The following SLC9A9 variants were observed in gnomAD, a reference collection of about 807,000 sequenced individuals.
The protein encoded by SLC9A9 is solute carrier family 9 member A9.
Under a neutral mutation model 77.8 loss-of-function variants are expected in SLC9A9, and 62 were observed. The observed-to-expected ratio is 0.80, with a 90% CI of 0.65 to 0.98. The LOEUF (loss-of-function observed/expected upper bound fraction) is 0.98. SLC9A9 is among the 50% of genes least tolerant of loss of function. The pLI, the probability that SLC9A9 is intolerant of heterozygous loss-of-function variation, is 0.00. For synonymous variants in SLC9A9, 320 were observed against 283.5 expected, an observed-to-expected ratio of 1.13 and a Z score of -1.29; for missense variants, 775 against 774.9, an observed-to-expected ratio of 1.00 and a Z score of 0.00.
At chr3:143,695,411 C>T (rs929402300) in intron 4 of SLC9A9, among the ~76,000 whole-genome samples, 7 of 152,074 alleles carry the variant, frequency 4.6e-5, no homozygotes, top group Non-Finnish European at 8.8e-5. Flanking sequence ...GTTCAGCTCC[C>T]ACTTATGAGT....
At chr3:143,463,130 G>A (rs555632163) in intron 12 of SLC9A9, among the ~76,000 whole-genome samples, 2 of 152,324 alleles carry the variant, frequency 1.3e-5, no homozygotes, top group African/African-American at 2.4e-5. Context: ...AAGCTGTAAA[G>A]GTTATCTTGT....
chr3:143,808,630 T>G (rs937245201), intron 2 of SLC9A9, among the ~76,000 whole-genome samples: 1 of 152,172 alleles, frequency 6.6e-6, no homozygotes, highest in African/African-American at 2.4e-5. Context: ...CTAGGTTCCT[T>G]CTGTTATATA....
chr3:143,649,915 T>A (rs899288132), intron 6 of SLC9A9, among the ~76,000 whole-genome samples: 2 of 151,500 alleles, frequency 1.3e-5, no homozygotes, highest in Non-Finnish European at 3.0e-5. Flanking sequence ...TTTTCATTTG[T>A]TCTTCTAAGA....
chr3:143,388,670 T>C (rs1403228605), intron 12 of SLC9A9, among the ~76,000 whole-genome samples: 1 of 152,168 alleles, frequency 6.6e-6, no homozygotes, highest in Admixed American at 6.5e-5. Flanking sequence ...CATTGAGTCA[T>C]AGATACAATA....
rs576653545 is a variant in SLC9A9 at position 143,590,619 on chromosome 3, G to A, written c.756-11896C>T. ...TTGTTAACAATCACTAAGCATGGACGATCCATGGTTTTGCAAATCTAACAA... is the reference window on the plus strand; with the variant it reads ...TTGTTAACAATCACTAAGCATGGACAATCCATGGTTTTGCAAATCTAACAA... On this transcript the variant is annotated intron_variant, in intron 6 of 15. Coordinates refer to ENST00000316549, the MANE Select transcript of SLC9A9 (RefSeq NM_173653.4). Among the ~76,000 whole-genome samples, 138 of 152,302 alleles carry A rather than the reference G, an allele frequency of 9.1e-4. 1 individual carries two copies. The highest frequency in any genetic ancestry group is 2.0e-3 in the African/African-American group (85 of 41,566).
At chr3:143,395,186 T>C (rs932782615) in intron 12 of SLC9A9, among the ~76,000 whole-genome samples, 10 of 152,314 alleles carry the variant, frequency 6.6e-5, no homozygotes, top group African/African-American at 2.2e-4. Flanking sequence ...TCATGCTACA[T>C]GACTTCAAAC....
At chr3:143,662,127 G>C (rs2038987708) in intron 5 of SLC9A9, among the ~76,000 whole-genome samples, 1 of 152,162 alleles carries the variant, frequency 6.6e-6, no homozygotes, top group Non-Finnish European at 1.5e-5. Flanking sequence ...ACATTTTGTA[G>C]TTCAGTGTCT....
At chr3:143,740,307 C>T (rs1935045643) in intron 4 of SLC9A9, among the ~76,000 whole-genome samples, 1 of 152,170 alleles carries the variant, frequency 6.6e-6, no homozygotes, top group African/African-American at 2.4e-5. Flanking sequence ...GAGGTTAGGG[C>T]TCTGAAGCTG....
chr3:143,571,001 A>AT (rs1019868394), intron 8 of SLC9A9, among the ~76,000 whole-genome samples: 2 of 152,020 alleles, frequency 1.3e-5, no homozygotes, highest in Admixed American at 6.6e-5. Context: ...GTAGCAGAAC[A>AT]TTTTTTTTCA....
chr3:143,547,217 T>C (rs944975988), intron 9 of SLC9A9, among the ~76,000 whole-genome samples: 1 of 152,194 alleles, frequency 6.6e-6, no homozygotes, highest in African/African-American at 2.4e-5. Flanking sequence ...GTCTTAGAGA[T>C]TTCATCCAGT....
At chr3:143,545,987 AC>A (rs1265677914) in intron 9 of SLC9A9, among the ~76,000 whole-genome samples, 1 of 152,206 alleles carries the variant, frequency 6.6e-6, no homozygotes, top group African/African-American at 2.4e-5. Context: ...GATCCTTAAA[AC>A]CCAGTCATTT....
chr3:143,330,429 T>A (rs942481920), intron 14 of SLC9A9, among the ~76,000 whole-genome samples: 1 of 152,222 alleles, frequency 6.6e-6, no homozygotes, highest in East Asian at 1.9e-4. Context: ...ATCTGAATTG[T>A]GGAATAAATG....
intron 9 of SLC9A9, among the ~76,000 whole-genome samples, chr3:143,549,001 C>T (rs1210434592): frequency 1.3e-5 from 2 of 152,194 alleles, no homozygotes; most frequent in Non-Finnish European, 2.9e-5. Context: ...TTAAACAGTC[C>T]TGGCAACAGA....
intron 8 of SLC9A9, among the ~76,000 whole-genome samples, chr3:143,557,106 G>T (rs367887874): frequency 1.3e-5 from 2 of 152,118 alleles, no homozygotes; most frequent in African/African-American, 4.8e-5. Context: ...GGAGCATGGG[G>T]GTAGTTTCCC....
At chr3:143,407,109 G>A (rs573186751) in intron 12 of SLC9A9, among the ~76,000 whole-genome samples, 5 of 151,922 alleles carry the variant, frequency 3.3e-5, no homozygotes, top group East Asian at 1.9e-4. Flanking sequence ...TTATTATGTC[G>A]CCTAAAGTAT....
At chr3:143,624,935 T>C (rs1165873724) in intron 6 of SLC9A9, among the ~76,000 whole-genome samples, 1 of 152,176 alleles carries the variant, frequency 6.6e-6, no homozygotes. Context: ...ACAAAATCAA[T>C]GTGCAAAAAT....
At chr3:143,328,285 T>C (rs1176364055) in intron 14 of SLC9A9, among the ~76,000 whole-genome samples, 1 of 152,218 alleles carries the variant, frequency 6.6e-6, no homozygotes, top group Non-Finnish European at 1.5e-5. Context: ...TACTTTCTGC[T>C]CAATTTTTCT....
intron 14 of SLC9A9, among the ~76,000 whole-genome samples, chr3:143,322,837 A>G (rs1610217): frequency 0.26 from 39,228 of 152,142 alleles, 5,389 homozygotes; most frequent in Middle Eastern, 0.35. Context: ...TTTTACTTAC[A>G]GCCAACTGAT....
intron 4 of SLC9A9, among the ~76,000 whole-genome samples, chr3:143,714,657 C>A (rs1011593475): frequency 1.3e-5 from 2 of 152,124 alleles, no homozygotes; most frequent in Admixed American, 6.6e-5. Flanking sequence ...ATGGTTATGC[C>A]CTCCAAGATC....
Sources: allele counts gnomAD v4.1 joint callset (sites outside exome capture counted in the v4.1 genomes callset), GRCh38; gene constraint gnomAD v4.1.1; transcripts MANE v1.5; gene names NCBI Gene and HGNC (gene_info 2026-07-23, HGNC 2026-07-21).